Variants in RFX7 observed in about 807,000 individuals in gnomAD.
The protein encoded by RFX7 is DNA-binding protein RFX7.
A neutral mutation model predicts 111.8 loss-of-function variants in RFX7; 26 were observed. The ratio of observed to expected loss-of-function variants is 0.23; its 90% confidence interval spans 0.17 to 0.32. RFX7 has a LOEUF of 0.32. Ranked by LOEUF, RFX7 falls within the 10% of genes least tolerant of loss-of-function variation. The probability of loss-of-function intolerance (pLI) is 1.00; values close to 1 mark genes in which losing one functional copy is unlikely to be tolerated. For synonymous variants in RFX7, 624 were observed against 624.4 expected (o/e 1.00, Z 0.01); for missense variants, 1,573 against 1,772.9 (o/e 0.89, Z 2.02).
chr15:56,156,854 C>A (rs926872271), intron 3 of RFX7, among the ~76,000 whole-genome samples: 2 of 152,142 alleles, frequency 1.3e-5, no homozygotes, highest in South Asian at 4.2e-4. Flanking sequence ...AACAGAGTAG[C>A]TCTAAAATTT....
chr15:56,172,151 G>A (rs1463292740), intron 3 of RFX7, among the ~76,000 whole-genome samples: 1 of 152,126 alleles, frequency 6.6e-6, no homozygotes, highest in African/African-American at 2.4e-5. Flanking sequence ...ATTTGGAAGT[G>A]ATATTACCTA....
intron 3 of RFX7, among the ~76,000 whole-genome samples, chr15:56,164,618 C>T (rs954124032): frequency 3.9e-5 from 6 of 152,198 alleles, no homozygotes; most frequent in African/African-American, 1.2e-4. Flanking sequence ...AGACTTCCTA[C>T]CAACAGACTG....
In RFX7 at chr15:56,095,965, A is replaced by G. The variant is rs2041670783; in HGVS notation, c.1763T>C (p.Ile588Thr). 1 of 1,609,748 alleles carries G rather than the reference A, an allele frequency of 6.2e-7. No homozygotes were observed. The highest frequency in any genetic ancestry group is 8.5e-7 in the Non-Finnish European group (1 of 1,179,648). Residue 588 changes from isoleucine (I) to threonine (T), a missense_variant, in exon 10 of 10, where the codon ATT becomes ACT. Coordinates refer to ENST00000559447, the MANE Select transcript of RFX7 (RefSeq NM_022841.7). Reference protein sequence around the residue: ...ALQKPSNEGVIEIKATKVCDQ... With the variant: ...ALQKPSNEGVTEIKATKVCDQ... ...ACAGACCTTAGTTGCTTTTATTTCAATGACACCTTCATTTGAAGGTTTCTG... is the reference window on the plus strand; with the variant it reads ...ACAGACCTTAGTTGCTTTTATTTCAGTGACACCTTCATTTGAAGGTTTCTG...
chr15:56,167,454 C>G (rs2042796559), intron 3 of RFX7, among the ~76,000 whole-genome samples: 1 of 152,138 alleles, frequency 6.6e-6, no homozygotes, highest in Admixed American at 6.5e-5. Context: ...TAATAATGCT[C>G]TGGTGTTGGA....
intron 5 of RFX7, among the ~76,000 whole-genome samples, chr15:56,107,754 TACTG>T (rs1231148081): frequency 1.3e-5 from 2 of 152,150 alleles, no homozygotes; most frequent in African/African-American, 4.8e-5. Flanking sequence ...ACTATAAGCA[TACTG>T]AATGAATAAA....
At chr15:56,189,248 G>C (rs547502063) in intron 2 of RFX7, among the ~76,000 whole-genome samples, 1 of 152,074 alleles carries the variant, frequency 6.6e-6, no homozygotes, top group Non-Finnish European at 1.5e-5. Context: ...AAAGCCAGGC[G>C]TGGTGGTGCA....
chr15:56,087,554 G>A lies in RFX7; in HGVS notation c.*5791C>T. 3 of 456,708 alleles carry A rather than the reference G, an allele frequency of 6.6e-6. No homozygotes were observed. Among genetic ancestry groups the A allele is most frequent in the Non-Finnish European group, 1.3e-5 (3 of 226,954 alleles). 28.3% of individuals were successfully genotyped at this position (456,708 alleles called of 1,614,324 possible). ...AAACCTTTTGGTTACATCTCTTTGA[G>A]TACTTGGTAAGTGTCTCCACTTAAC... On this transcript the variant is annotated 3_prime_UTR_variant, in exon 10 of 10. Transcript: ENST00000559447.
intron 5 of RFX7, among the ~76,000 whole-genome samples, chr15:56,136,881 G>T (rs1449898509): frequency 1.4e-5 from 2 of 146,568 alleles, no homozygotes; most frequent in Non-Finnish European, 3.0e-5. Context: ...TAATCATGTG[G>T]TTTTTGTCTT....
intron 5 of RFX7, among the ~76,000 whole-genome samples, chr15:56,121,991 A>T (rs1356253241): frequency 6.6e-6 from 1 of 152,166 alleles, no homozygotes; most frequent in African/African-American, 2.4e-5. Flanking sequence ...AAGGTCACAT[A>T]TCTCTGTCTC....
chr15:56,225,193 A>T (rs2043468844), intron 2 of RFX7, among the ~76,000 whole-genome samples: 1 of 152,168 alleles, frequency 6.6e-6, no homozygotes, highest in Non-Finnish European at 1.5e-5. Context: ...TTTGTTTTTT[A>T]ATCTGCCACA....
At chr15:56,147,187 G>T (rs1381630528) in intron 3 of RFX7, among the ~76,000 whole-genome samples, 2 of 152,214 alleles carry the variant, frequency 1.3e-5, no homozygotes, top group Middle Eastern at 3.4e-3. Flanking sequence ...AATCATAATG[G>T]TATTCTATTT....
At chr15:56,136,091 C>G (rs1346846207) in intron 5 of RFX7, among the ~76,000 whole-genome samples, 1 of 152,006 alleles carries the variant, frequency 6.6e-6, no homozygotes, top group African/African-American at 2.4e-5. Context: ...ATTGACTTGG[C>G]GATGCGGGCT....
intron 2 of RFX7, among the ~76,000 whole-genome samples, chr15:56,237,010 A>G (rs573142165): frequency 1.3e-5 from 2 of 152,032 alleles, no homozygotes; most frequent in East Asian, 2.0e-4. Context: ...ACACCCAAGG[A>G]AACACTGACA....
intron 2 of RFX7, among the ~76,000 whole-genome samples, chr15:56,212,127 GGATA>G (rs1248791890): frequency 6.6e-6 from 1 of 152,102 alleles, no homozygotes; most frequent in African/African-American, 2.4e-5. Flanking sequence ...GTAGGTGAAT[GGATA>G]AACAGTGGTA....
chr15:56,128,445 T>G (rs1029286557), intron 5 of RFX7, among the ~76,000 whole-genome samples: 6 of 152,192 alleles, frequency 3.9e-5, no homozygotes, highest in Admixed American at 2.6e-4. Flanking sequence ...AATAATAATG[T>G]AATACACTAT....
At chr15:56,135,666 T>C (rs1457096148) in intron 5 of RFX7, among the ~76,000 whole-genome samples, 1 of 152,168 alleles carries the variant, frequency 6.6e-6, no homozygotes, top group African/African-American at 2.4e-5. Flanking sequence ...TTGCTTTTGC[T>C]GTTTTAGACA....
At chr15:56,163,839 G>A (rs1164773309) in intron 3 of RFX7, among the ~76,000 whole-genome samples, 1 of 152,158 alleles carries the variant, frequency 6.6e-6, no homozygotes, top group Non-Finnish European at 1.5e-5. Context: ...AATAAAAACA[G>A]AGGCTTTCTT....
At chr15:56,193,129 C>T (rs1052253345) in intron 2 of RFX7, 16 of 238,486 alleles carry the variant, frequency 6.7e-5, no homozygotes, top group African/African-American at 2.3e-5. Context: ...GGTCTAGCAA[C>T]ACTACTGTGT....
intron 2 of RFX7, among the ~76,000 whole-genome samples, chr15:56,231,609 GCCAAACCATTTCATTCCA>G (rs1203204754): frequency 5.5e-4 from 83 of 152,196 alleles, no homozygotes; most frequent in Non-Finnish European, 3.2e-4. Flanking sequence ...TGGGGGCAGA[GCCAAACCATTTCATTCCA>G]CCCTGCCCCC....
Sources: allele counts gnomAD v4.1 joint callset (sites outside exome capture counted in the v4.1 genomes callset), GRCh38; gene constraint gnomAD v4.1.1; transcripts MANE v1.5; gene names NCBI Gene and HGNC (gene_info 2026-07-23, HGNC 2026-07-21).